Variants in OOSP3 observed in about 807,000 individuals in gnomAD.
The protein encoded by OOSP3 is oocyte secreted protein family member 3, also known as oocyte-secreted protein 3.
chr11:59,884,475 GTCTCTCTCTCTCTCTCTC>G (rs60145654), intron 2 of OOSP3, among the ~76,000 whole-genome samples: 47 of 113,878 alleles, frequency 4.1e-4, no homozygotes, highest in East Asian at 1.8e-3. Flanking sequence ...CTGTCTGTCT[GTCTCTCTCTCTCTCTCTC>G]TCTCTCTCTC....
At chr11:59,889,588 CCA>C (rs1853292137) in intron 2 of OOSP3, among the ~76,000 whole-genome samples, 1 of 151,464 alleles carries the variant, frequency 6.6e-6, no homozygotes, top group African/African-American at 2.4e-5. Context: ...TGTTCAATTT[CCA>C]TGTAATTGTG....
intron 2 of OOSP3, among the ~76,000 whole-genome samples, chr11:59,888,494 G>C (rs1377418033): frequency 6.6e-6 from 1 of 152,128 alleles, no homozygotes; most frequent in Non-Finnish European, 1.5e-5. Context: ...TTTATTGAGA[G>C]TTTTTAACAT....
At chr11:59,881,207 TA>T (rs1019854068) in intron 2 of OOSP3, among the ~76,000 whole-genome samples, 1 of 151,402 alleles carries the variant, frequency 6.6e-6, no homozygotes, top group Non-Finnish European at 1.5e-5. Flanking sequence ...AAAAAATATA[TA>T]AAAAATTAGC....
intron 1 of OOSP3, among the ~76,000 whole-genome samples, chr11:59,879,983 A>C (rs1853185585): frequency 6.6e-6 from 1 of 152,170 alleles, no homozygotes; most frequent in African/African-American, 2.4e-5. Flanking sequence ...ACAGCAAAAG[A>C]AGCAGAGACA....
intron 3 of OOSP3, 101 bp downstream of exon 3, chr11:59,894,277 C>T (rs774910511): frequency 1.0e-4 from 41 of 394,586 alleles, no homozygotes; most frequent in Admixed American, 3.1e-4. Flanking sequence ...AACCCTAGAG[C>T]GAGGTTGGTT....
chr11:59,879,703 AC>A (rs1168016876), intron 1 of OOSP3, among the ~76,000 whole-genome samples: 1 of 152,174 alleles, frequency 6.6e-6, no homozygotes, highest in African/African-American at 2.4e-5. Context: ...TTAATCTGAG[AC>A]TATCTTCCTT....
chr11:59,888,771 A>G (rs747082165), intron 2 of OOSP3, among the ~76,000 whole-genome samples: 7 of 151,880 alleles, frequency 4.6e-5, no homozygotes, highest in Non-Finnish European at 7.4e-5. Context: ...TTTTTGTTGT[A>G]TCTCTGTCAG....
At chr11:59,893,988 T>G in intron 2 of OOSP3, 91 bp from the exon 3 acceptor site, 1 of 396,688 alleles carries the variant, frequency 2.5e-6, no homozygotes, top group Non-Finnish European at 4.4e-6. Context: ...ATAAAGAGCT[T>G]ACATCTTATC....
chr11:59,883,682 G>A (rs760338143), intron 2 of OOSP3, among the ~76,000 whole-genome samples: 2 of 152,168 alleles, frequency 1.3e-5, no homozygotes, highest in Admixed American at 6.5e-5. Flanking sequence ...TAGAAGAGTG[G>A]TTAAATGATG....
chr11:59,882,319 T>TA, intron 2 of OOSP3, among the ~76,000 whole-genome samples: 1 of 152,280 alleles, frequency 6.6e-6, no homozygotes, highest in Admixed American at 6.5e-5. Context: ...TTCAGGGTCT[T>TA]ATAAGACCCC....
chr11:59,885,866 T>C (rs1263720536), intron 2 of OOSP3, among the ~76,000 whole-genome samples: 1 of 152,040 alleles, frequency 6.6e-6, no homozygotes, highest in Non-Finnish European at 1.5e-5. Context: ...TATTTCTTTT[T>C]TTAAAAAATA....
intron 2 of OOSP3, among the ~76,000 whole-genome samples, chr11:59,889,167 A>G (rs1047201828): frequency 3.3e-5 from 5 of 150,664 alleles, no homozygotes; most frequent in African/African-American, 1.2e-4. Context: ...GAATGTGTTT[A>G]TATGAATCTT....
chr11:59,879,378 T>G (rs1853180481), intron 1 of OOSP3, among the ~76,000 whole-genome samples: 1 of 152,204 alleles, frequency 6.6e-6, no homozygotes, highest in African/African-American at 2.4e-5. Flanking sequence ...ATTAATAGTT[T>G]TATTTGCATT....
chr11:59,884,449 T>TTGTCTGTCTGTC (rs1174429243), intron 2 of OOSP3, among the ~76,000 whole-genome samples: 1 of 139,662 alleles, frequency 7.2e-6, no homozygotes, highest in Admixed American at 7.3e-5. Context: ...TCATGTCTGT[T>TTGTCTGTCTGTC]TGTCTGTCTG....
intron 2 of OOSP3, among the ~76,000 whole-genome samples, chr11:59,882,411 C>G (rs941410538): frequency 6.6e-6 from 1 of 152,054 alleles, no homozygotes; most frequent in Non-Finnish European, 1.5e-5. Flanking sequence ...CCATAGTATA[C>G]AAAAGCAATG....
intron 2 of OOSP3, among the ~76,000 whole-genome samples, chr11:59,885,326 TTTTC>T (rs1265418589): frequency 3.9e-5 from 6 of 152,204 alleles, no homozygotes; most frequent in African/African-American, 1.4e-4. Flanking sequence ...TTCTTCTCTT[TTTTC>T]TTCAACTTTA....
chr11:59,880,168 CATATGTTTAA>C (rs1382256876), intron 1 of OOSP3, 83 bp from the exon 2 acceptor site: 6 of 396,496 alleles, frequency 1.5e-5, no homozygotes, highest in African/African-American at 1.2e-4. Flanking sequence ...GGTGTATATA[CATATGTTTAA>C]ATATGCTATG....
At chr11:59,880,402 T>C (rs1184081468) in exon 2 of OOSP3, 3 of 398,444 alleles carry the variant, frequency 7.5e-6, no homozygotes, top group Non-Finnish European at 1.3e-5. Context: ...GGATATGAGT[T>C]TAATTACCCT....
At chr11:59,893,697 A>C (rs929929318) in intron 2 of OOSP3, among the ~76,000 whole-genome samples, 1 of 152,234 alleles carries the variant, frequency 6.6e-6, no homozygotes, top group African/African-American at 2.4e-5. Context: ...GCATGTGTTC[A>C]GAAAAGGCAA....
Sources: gnomAD v4.1 joint callset for allele counts (sites outside exome capture counted in the v4.1 genomes callset) on GRCh38, gnomAD v4.1.1 for gene constraint, MANE v1.5 for transcripts, NCBI Gene and HGNC (gene_info 2026-07-23, HGNC 2026-07-21) for gene names.